Variants in CPNE8 observed in about 807,000 individuals in gnomAD.
CPNE8 encodes the protein copine-8.
A neutral mutation model predicts 81.5 loss-of-function variants in CPNE8; 45 were observed. The observed-to-expected ratio is 0.55, with a 90% CI of 0.44 to 0.71. The LOEUF (loss-of-function observed/expected upper bound fraction) is 0.71. Among genes scored for constraint, CPNE8 ranks in the 30% least tolerant of loss-of-function variants. The pLI is 0.00. For missense variants in CPNE8, 594 were observed against 672.1 expected (o/e 0.88, Z 1.28); for synonymous variants, 252 against 226.3 (o/e 1.11, Z -1.02).
At chr12:38,683,506 G>A (rs910935569) in intron 16 of CPNE8, among the ~76,000 whole-genome samples, 3 of 151,962 alleles carry the variant, frequency 2.0e-5, no homozygotes, top group Admixed American at 6.6e-5. Flanking sequence ...TAACTATGGC[G>A]CTTCTCTTAA....
intron 6 of CPNE8, among the ~76,000 whole-genome samples, chr12:38,798,923 A>C (rs1480599749): frequency 3.3e-5 from 5 of 152,214 alleles, no homozygotes; most frequent in South Asian, 2.1e-4. Context: ...AACAGACTTT[A>C]AACCAACAAA....
intron 10 of CPNE8, among the ~76,000 whole-genome samples, chr12:38,737,994 G>A (rs549892856): frequency 6.6e-6 from 1 of 151,978 alleles, no homozygotes; most frequent in Non-Finnish European, 1.5e-5. Context: ...TCTGTATTTC[G>A]GGACACCACT....
chr12:38,848,301 C>A (rs1943588883), intron 4 of CPNE8, among the ~76,000 whole-genome samples: 1 of 152,148 alleles, frequency 6.6e-6, no homozygotes, highest in South Asian at 2.1e-4. Context: ...AGGAAATCCA[C>A]TGAAGCACAG....
intron 8 of CPNE8, among the ~76,000 whole-genome samples, chr12:38,764,424 C>A (rs987362621): frequency 1.3e-5 from 2 of 150,722 alleles, no homozygotes; most frequent in Admixed American, 1.3e-4. Flanking sequence ...GAGACCATCC[C>A]GGCTAAAACG....
chr12:38,788,527 C>G (rs1230387415), intron 6 of CPNE8, among the ~76,000 whole-genome samples: 1 of 151,802 alleles, frequency 6.6e-6, no homozygotes, highest in Non-Finnish European at 1.5e-5. Context: ...TACTGAAAGC[C>G]TTTCCTCTAA....
At chr12:38,878,699 C>T (rs984411055) in intron 1 of CPNE8, among the ~76,000 whole-genome samples, 2 of 152,180 alleles carry the variant, frequency 1.3e-5, no homozygotes, top group African/African-American at 4.8e-5. Context: ...GCCAGCTAGC[C>T]TCTTAAAATT....
At chr12:38,759,490 C>T (rs1941530885) in intron 10 of CPNE8, among the ~76,000 whole-genome samples, 1 of 152,048 alleles carries the variant, frequency 6.6e-6, no homozygotes, top group Admixed American at 6.6e-5. Flanking sequence ...GCACATAGAA[C>T]TAAATAATAC....
At chr12:38,817,776 G>A (rs1489341294) in intron 6 of CPNE8, among the ~76,000 whole-genome samples, 3 of 151,566 alleles carry the variant, frequency 2.0e-5, no homozygotes, top group Admixed American at 2.0e-4. Flanking sequence ...GGCACCCACC[G>A]CTACGCCCGG....
At chr12:38,774,327 A>G (rs914530766) in intron 7 of CPNE8, among the ~76,000 whole-genome samples, 1 of 152,174 alleles carries the variant, frequency 6.6e-6, no homozygotes, top group Non-Finnish European at 1.5e-5. Flanking sequence ...AAGAACATGT[A>G]TCTTATTGAC....
At chr12:38,800,199 G>A (rs1170718937) in intron 6 of CPNE8, among the ~76,000 whole-genome samples, 1 of 107,630 alleles carries the variant, frequency 9.3e-6, no homozygotes. Context: ...CCACCTCTGG[G>A]GGCAGGGCAC....
chr12:38,657,606 T>C (rs193262876), intron 19 of CPNE8, among the ~76,000 whole-genome samples: 356 of 152,254 alleles, frequency 2.3e-3, no homozygotes, highest in African/African-American at 8.4e-3. Context: ...ATAGCGTAAC[T>C]GGGAGACACC....
At chr12:38,798,855 T>A (rs1942577377) in intron 6 of CPNE8, among the ~76,000 whole-genome samples, 1 of 151,970 alleles carries the variant, frequency 6.6e-6, no homozygotes, top group Non-Finnish European at 1.5e-5. Flanking sequence ...TGGAGGAAGA[T>A]CTACCAAGCA....
At chr12:38,767,563 C>A in intron 8 of CPNE8, 72 bp downstream of exon 8, 1 of 929,042 alleles carries the variant, frequency 1.1e-6, no homozygotes, top group Non-Finnish European at 1.6e-6. Context: ...TAATGAGCTT[C>A]TCTGAGAAAA....
chr12:38,726,100 T>C (rs958799412), intron 11 of CPNE8, among the ~76,000 whole-genome samples: 5 of 152,126 alleles, frequency 3.3e-5, no homozygotes, highest in Admixed American at 2.0e-4. Context: ...TTCCTAAAAG[T>C]CCACAGGCCT....
rs147241652 is a variant in CPNE8, at chr12:38,830,464, G to A, written c.331-1009C>T. 9.5e-4 allele frequency among the ~76,000 whole-genome samples: 144 copies of A among 152,174 alleles called. 1 individual carries two copies. Among genetic ancestry groups the A allele is most frequent in the African/African-American group, 3.3e-3 (138 of 41,518 alleles). On this transcript the variant is annotated intron_variant, in intron 5 of 19. Coordinates refer to ENST00000331366, the MANE Select transcript of CPNE8 (RefSeq NM_153634.3). ...AAACTCATATATCTATAAAATAAGG[G>A]CACCAACACCATCTGGATATGTAGG...
chr12:38,814,461 C>T (rs1751872334), intron 6 of CPNE8, among the ~76,000 whole-genome samples: 1 of 151,742 alleles, frequency 6.6e-6, no homozygotes, highest in African/African-American at 2.4e-5. Context: ...GGACTACAGG[C>T]ACACACCACA....
At chr12:38,794,163 A>G (rs1421927003) in intron 6 of CPNE8, among the ~76,000 whole-genome samples, 2 of 152,198 alleles carry the variant, frequency 1.3e-5, no homozygotes, top group Non-Finnish European at 2.9e-5. Context: ...TACGACACCA[A>G]AAGTACAGGC....
At chr12:38,715,165 C>G (rs999157895) in intron 13 of CPNE8, among the ~76,000 whole-genome samples, 1 of 152,062 alleles carries the variant, frequency 6.6e-6, no homozygotes, top group African/African-American at 2.4e-5. Flanking sequence ...ATGTTTGACT[C>G]TCAGCAAAAT....
chr12:38,746,261 C>T (rs114180442), intron 10 of CPNE8, among the ~76,000 whole-genome samples: 2,287 of 152,000 alleles, frequency 0.015, 122 homozygotes, highest in Admixed American at 0.092. Context: ...CCTAAAGTCA[C>T]GAATATGCTA....
Sources: allele counts gnomAD v4.1 joint callset (sites outside exome capture counted in the v4.1 genomes callset), GRCh38; gene constraint gnomAD v4.1.1; transcripts MANE v1.5; gene names NCBI Gene and HGNC (gene_info 2026-07-23, HGNC 2026-07-21).